The following ZRANB3 variants were observed in gnomAD, a reference collection of about 807,000 sequenced individuals.
ZRANB3 encodes zinc finger RANBP2-type containing 3, also known as DNA annealing helicase and endonuclease ZRANB3.
A neutral mutation model predicts 133.8 loss-of-function variants in ZRANB3; 125 were observed. That is an observed-to-expected ratio of 0.93 (90% CI 0.81 to 1.08). The LOEUF (loss-of-function observed/expected upper bound fraction) is 1.08. Ranked by LOEUF, ZRANB3 falls within the 50% of genes least tolerant of loss-of-function variation. The pLI, the probability that ZRANB3 is intolerant of heterozygous loss-of-function variation, is 0.00. For missense variants in ZRANB3, 1,229 were observed against 1,275.5 expected (o/e 0.96, Z 0.56); for synonymous variants, 387 against 432.7 (o/e 0.89, Z 1.31).
intron 1 of ZRANB3, among the ~76,000 whole-genome samples, chr2:135,508,832 A>C (rs1035386942): frequency 3.3e-5 from 5 of 152,168 alleles, no homozygotes; most frequent in African/African-American, 1.2e-4. Context: ...TGTAATCAAC[A>C]TTACATTAAT....
chr2:135,379,052 T>C (rs1394868334), intron 3 of ZRANB3, among the ~76,000 whole-genome samples: 1 of 152,160 alleles, frequency 6.6e-6, no homozygotes, highest in Non-Finnish European at 1.5e-5. Flanking sequence ...TATATGAATA[T>C]TGGCTCATTA....
chr2:135,249,349 T>C (rs1424602056), intron 12 of ZRANB3, among the ~76,000 whole-genome samples: 3 of 152,216 alleles, frequency 2.0e-5, no homozygotes, highest in African/African-American at 7.2e-5. Flanking sequence ...TCAACAGAAA[T>C]GCATGTCAAT....
At chr2:135,521,143 A>G (rs1332205696) in intron 1 of ZRANB3, among the ~76,000 whole-genome samples, 1 of 152,246 alleles carries the variant, frequency 6.6e-6, no homozygotes, top group Non-Finnish European at 1.5e-5. Flanking sequence ...TTTAAAAGTT[A>G]GCAACTGGTG....
At chr2:135,383,884 G>T (rs970936147) in intron 3 of ZRANB3, among the ~76,000 whole-genome samples, 1 of 152,046 alleles carries the variant, frequency 6.6e-6, no homozygotes, top group Non-Finnish European at 1.5e-5. Flanking sequence ...GCCCACAAGG[G>T]ACAGCAGGAA....
chr2:135,330,395 G>A (rs1684077473), intron 6 of ZRANB3, among the ~76,000 whole-genome samples: 1 of 152,192 alleles, frequency 6.6e-6, no homozygotes, highest in South Asian at 2.1e-4. Context: ...TTGCATCCCA[G>A]GGATGAAGCT....
At chr2:135,502,421 C>T (rs1275082968) in intron 2 of ZRANB3, among the ~76,000 whole-genome samples, 3 of 152,096 alleles carry the variant, frequency 2.0e-5, no homozygotes, top group Non-Finnish European at 4.4e-5. Context: ...CTAAGTCTAG[C>T]TATGAAAAAG....
At chr2:135,234,448 C>A (rs1429082359) in intron 12 of ZRANB3, among the ~76,000 whole-genome samples, 3 of 152,174 alleles carry the variant, frequency 2.0e-5, no homozygotes, top group Non-Finnish European at 4.4e-5. Context: ...GCAGACCTAA[C>A]AGACATCTAT....
intron 8 of ZRANB3, among the ~76,000 whole-genome samples, chr2:135,301,522 T>C (rs1329484060): frequency 6.6e-6 from 1 of 152,184 alleles, no homozygotes; most frequent in East Asian, 1.9e-4. Flanking sequence ...TCTCACTATG[T>C]TGCCCAGGCT....
chr2:135,216,059 G>A (rs1347316886), intron 17 of ZRANB3, among the ~76,000 whole-genome samples: 1 of 150,208 alleles, frequency 6.7e-6, no homozygotes, highest in African/African-American at 2.4e-5. Flanking sequence ...AGCAAGTTGT[G>A]CAAATAGTGA....
At chr2:135,353,651 G>A in intron 3 of ZRANB3, 23 bp from the exon 4 acceptor site, 4 of 1,351,494 alleles carry the variant, frequency 3.0e-6, no homozygotes, top group Non-Finnish European at 3.9e-6. Context: ...ATAAATAAAT[G>A]TTAATAATAG....
intron 12 of ZRANB3, among the ~76,000 whole-genome samples, chr2:135,247,790 A>G (rs1695867350): frequency 6.6e-6 from 1 of 152,130 alleles, no homozygotes; most frequent in Non-Finnish European, 1.5e-5. Context: ...GCTAGTCACC[A>G]TGTTTGCTGT....
intron 6 of ZRANB3, among the ~76,000 whole-genome samples, chr2:135,320,956 T>C (rs1341744512): frequency 6.6e-6 from 1 of 152,264 alleles, no homozygotes; most frequent in African/African-American, 2.4e-5. Flanking sequence ...GAAAGTTATA[T>C]ATGTTATTGG....
chr2:135,312,884 G>C (rs1324084233), intron 8 of ZRANB3, among the ~76,000 whole-genome samples: 1 of 151,786 alleles, frequency 6.6e-6, no homozygotes, highest in Non-Finnish European at 1.5e-5. Context: ...GCCAGGCATG[G>C]AGGCACGTGC....
intron 2 of ZRANB3, among the ~76,000 whole-genome samples, chr2:135,411,466 C>T (rs1045138559): frequency 3.9e-5 from 6 of 152,126 alleles, no homozygotes; most frequent in Non-Finnish European, 7.3e-5. Context: ...CACCTGCACT[C>T]ATATATTTAT....
chr2:135,463,185 T>C (rs1465399093), intron 2 of ZRANB3, among the ~76,000 whole-genome samples: 1 of 152,090 alleles, frequency 6.6e-6, no homozygotes, highest in Non-Finnish European at 1.5e-5. Flanking sequence ...TTTAAGTTGC[T>C]AAAAATTACA....
chr2:135,445,126 G>A (rs1039009410), intron 2 of ZRANB3, among the ~76,000 whole-genome samples: 7 of 152,106 alleles, frequency 4.6e-5, no homozygotes, highest in African/African-American at 1.7e-4. Flanking sequence ...TCAAGAGTAG[G>A]CTGGTTTGGT....
chr2:135,500,353 G>C (rs1172089505), intron 2 of ZRANB3, among the ~76,000 whole-genome samples: 5 of 151,984 alleles, frequency 3.3e-5, no homozygotes, highest in Non-Finnish European at 5.9e-5. Context: ...ACTATTCTAT[G>C]AGCCCCAAAC....
At chr2:135,408,491 T>G (rs1193742200) in intron 2 of ZRANB3, among the ~76,000 whole-genome samples, 1 of 152,074 alleles carries the variant, frequency 6.6e-6, no homozygotes, top group Non-Finnish European at 1.5e-5. Context: ...ACCCAAAGGA[T>G]TATAAATCAT....
chr2:135,365,546 T>TA (rs1375605821), intron 3 of ZRANB3, among the ~76,000 whole-genome samples: 2 of 152,158 alleles, frequency 1.3e-5, no homozygotes, highest in African/African-American at 4.8e-5. Flanking sequence ...AACATATTCT[T>TA]AAAAAAAGTG....
Sources: allele counts gnomAD v4.1 joint callset (sites outside exome capture counted in the v4.1 genomes callset), GRCh38; gene constraint gnomAD v4.1.1; transcripts MANE v1.5; gene names NCBI Gene and HGNC (gene_info 2026-07-23, HGNC 2026-07-21).